The following GOSR2 variants were observed in gnomAD, a reference collection of about 807,000 sequenced individuals.
GOSR2 encodes the protein 27 kDa Golgi SNARE protein.
In GOSR2, 20 loss-of-function variants were observed where a neutral mutation model predicts 27.9. The observed-to-expected ratio is 0.72, with a 90% CI of 0.50 to 1.04. The LOEUF (loss-of-function observed/expected upper bound fraction) is 1.04, where lower values mean the gene tolerates loss of function less well. GOSR2 is among the 50% of genes least tolerant of loss of function. The probability of loss-of-function intolerance (pLI) is 0.00; values close to 1 mark genes in which losing one functional copy is unlikely to be tolerated. For missense variants in GOSR2, 261 were observed against 270.5 expected (o/e 0.97, Z 0.25); for synonymous variants, 91 against 98.8 (o/e 0.92, Z 0.47).
chr17:46,940,037 C>G lies in GOSR2; in HGVS notation c.*1277C>G, dbSNP rs577505377. ...AGTATTAACCCTACCTTTGGTTGTC[C>G]TGCCCTACCTGCTCTGTTAGTTTCT... On this transcript the variant is annotated 3_prime_UTR_variant, in exon 6 of 6. Transcript: ENST00000640051. The G allele has an allele frequency of 6.3e-4, 666 of 1,049,936 alleles. 7 individuals are homozygous for G. The South Asian group carries it at 0.021, about 34-fold the overall frequency. The allele number at this position is 1,049,936 out of a possible 1,614,324, so 65.0% of individuals were successfully genotyped here.
intron 1 of GOSR2, chr17:46,923,503 C>G (rs2086010459): frequency 1.4e-6 from 2 of 1,380,294 alleles, no homozygotes; most frequent in African/African-American, 1.5e-5. Flanking sequence ...AAACTGGCAC[C>G]TGCAGGTTAT....
At chr17:46,925,206 T>A (rs1179886206) in intron 1 of GOSR2, among the ~76,000 whole-genome samples, 1 of 152,238 alleles carries the variant, frequency 6.6e-6, no homozygotes, top group Non-Finnish European at 1.5e-5. Context: ...TCTGCTGTTA[T>A]ATTGGGAAAA....
At chr17:46,928,240 G>A (rs17676673) in intron 1 of GOSR2, among the ~76,000 whole-genome samples, 12,578 of 152,240 alleles carry the variant, frequency 0.083, 703 homozygotes, top group South Asian at 0.21. Context: ...TTTGGTGCCC[G>A]AGGGCATATC....
rs1023245597 is a variant in GOSR2, at chr17:46,939,536, C to G, written c.*776C>G. On this transcript the variant is annotated 3_prime_UTR_variant, in exon 6 of 6. Transcript: ENST00000640051. Reference sequence around the variant, plus strand: ...CTGTGGCTTGGCACCTGCGCCCAGGCTTTGTGGGCCTTTGCCCCTTAGAAA... The same window carrying G: ...CTGTGGCTTGGCACCTGCGCCCAGGGTTTGTGGGCCTTTGCCCCTTAGAAA... The G allele has an allele frequency of 5.1e-6, 5 of 985,460 alleles. No individual in the cohort carries two copies. In the African/African-American group the frequency reaches 8.7e-5, roughly 17 times the overall value. 61.0% of individuals were successfully genotyped at this position (985,460 alleles called of 1,614,324 possible).
chr17:46,941,346 GTTTAT>G lies in GOSR2; in HGVS notation c.*2594_*2598del. On this transcript the variant is annotated 3_prime_UTR_variant, in exon 6 of 6. Coordinates refer to ENST00000640051, the MANE Select transcript of GOSR2 (RefSeq NM_004287.5). ...AGCACATCAGCTGAATAAAGTTGAGGTTTATTTTATTTAGAAAATCACATTTTGTA... is the reference window on the plus strand; with the variant it reads ...AGCACATCAGCTGAATAAAGTTGAGGTTTATTTAGAAAATCACATTTTGTA... 1 of 984,196 alleles carries G rather than the reference GTTTAT, an allele frequency of 1.0e-6. No homozygotes were observed. Among genetic ancestry groups the G allele is most frequent in the Non-Finnish European group, 1.2e-6 (1 of 828,880 alleles). 61.0% of individuals were successfully genotyped at this position (984,196 alleles called of 1,614,324 possible).
At position 46,923,226 on chromosome 17, in the gene GOSR2, G is replaced by T; in HGVS notation, c.29+5G>T. 6.4e-7 allele frequency: 1 copy of T among 1,551,046 alleles called. No homozygotes were observed. The highest frequency in any genetic ancestry group is 8.7e-7 in the Non-Finnish European group (1 of 1,146,518). On this transcript the variant is annotated splice_donor_5th_base_variant and intron_variant, in intron 1 of 5. Coordinates refer to ENST00000640051, the MANE Select transcript of GOSR2 (RefSeq NM_004287.5). The stretch of plus-strand genomic sequence containing the variant: ...CCTGTTCCAGCAAACGCACAAGTGA[G>T]GGCCGGTCGGGGAGCGGGCAGGGGC...
Position 46,940,248 on chromosome 17 carries a change from A to G in GOSR2, c.*1488A>G, listed in dbSNP as rs1470646577. The G allele has an allele frequency of 2.8e-6, 4 of 1,422,798 alleles. No individual in the cohort carries two copies. Among genetic ancestry groups the G allele is most frequent in the Non-Finnish European group, 3.7e-6 (4 of 1,092,914 alleles). The allele number at this position is 1,422,798 out of a possible 1,614,324, so 88.1% of individuals were successfully genotyped here. On this transcript the variant is annotated 3_prime_UTR_variant, in exon 6 of 6. Coordinates refer to ENST00000640051, the MANE Select transcript of GOSR2 (RefSeq NM_004287.5). ...TGAGTTTCCTGGATGCTAATTTCAC[A>G]CTTTCGGTTGGAGGAGATCTCCATT...
chr17:46,935,809 A>G (rs2088225734), intron 5 of GOSR2: 5 of 986,230 alleles, frequency 5.1e-6, no homozygotes, highest in Middle Eastern at 5.2e-4. Flanking sequence ...AACATTACAC[A>G]GACTCTGATG....
chr17:46,973,538 A>C (rs1212669925), intron 6 of GOSR2, among the ~76,000 whole-genome samples: 1 of 152,036 alleles, frequency 6.6e-6, no homozygotes, highest in African/African-American at 2.4e-5. Context: ...CATGGACTGG[A>C]GTGCACTTAT....
rs79673308 is a variant in GOSR2, at chr17:46,941,052, C to T, written c.*2292C>T. 118,411 of 1,081,316 alleles carry T rather than the reference C, an allele frequency of 0.11. 6,918 individuals carry two copies. The highest frequency in any genetic ancestry group is 0.14 in the African/African-American group (8,302 of 61,440). 67.0% of individuals were successfully genotyped at this position (1,081,316 alleles called of 1,614,324 possible). ...TAGGTCGAGCTGATGCAAGAAACTC[C>T]GGTAGCCAGCCTCTGTGACCTTGTA... On this transcript the variant is annotated 3_prime_UTR_variant, in exon 6 of 6. Coordinates refer to ENST00000640051, the MANE Select transcript of GOSR2 (RefSeq NM_004287.5).
At chr17:46,924,589 G>A (rs1175489692) in intron 1 of GOSR2, 4 of 152,174 alleles carry the variant, frequency 2.6e-5, no homozygotes, top group Admixed American at 2.6e-4. Flanking sequence ...GAATAAGAGG[G>A]TGATGATCCT....
chr17:46,927,929 C>T lies in GOSR2; in HGVS notation c.30-1591C>T, dbSNP rs142429255. 1.2e-3 allele frequency among the ~76,000 whole-genome samples: 188 copies of T among 152,168 alleles called. 1 individual carries two copies. Among genetic ancestry groups the T allele is most frequent in the Middle Eastern group, 6.8e-3 (2 of 294 alleles). ...TGTTAAATCAGCATTGAAAATTTAC[C>T]TCACAGCCTGCGTCAGGACTTCCTT... On this transcript the variant is annotated intron_variant, in intron 1 of 5. Transcript: ENST00000640051.
intron 4 of GOSR2, among the ~76,000 whole-genome samples, chr17:46,933,791 T>C (rs7213526): frequency 0.54 from 82,385 of 151,558 alleles, 22,764 homozygotes; most frequent in Non-Finnish European, 0.6. Flanking sequence ...GGTGAGACAT[T>C]GTCTCTACAA....
intron 5 of GOSR2, 33 bp downstream of exon 5, chr17:46,935,202 C>T (rs775661929): frequency 1.2e-6 from 2 of 1,612,734 alleles, no homozygotes; most frequent in African/African-American, 1.3e-5. Flanking sequence ...GAGAGAAGGC[C>T]TCTTGTTTTA....
Position 46,939,536 on chromosome 17 carries a change from C to T in GOSR2, c.*776C>T. The T allele has an allele frequency of 1.0e-6, 1 of 985,578 alleles. No individual in the cohort carries two copies. 61.1% of individuals were successfully genotyped at this position (985,578 alleles called of 1,614,324 possible). A position where few individuals can be genotyped will look rare whatever the true frequency, so the allele number is the denominator to read the frequency against. On this transcript the variant is annotated 3_prime_UTR_variant, in exon 6 of 6. Coordinates refer to ENST00000640051, the MANE Select transcript of GOSR2 (RefSeq NM_004287.5). ...CTGTGGCTTGGCACCTGCGCCCAGG[C>T]TTTGTGGGCCTTTGCCCCTTAGAAA...
At chr17:46,927,656 A>G (rs1380292730) in intron 1 of GOSR2, among the ~76,000 whole-genome samples, 1 of 152,174 alleles carries the variant, frequency 6.6e-6, no homozygotes, top group Non-Finnish European at 1.5e-5. Flanking sequence ...GCTCCCAAAT[A>G]ACGTGGGGCT....
chr17:46,971,263 G>A (rs904377847), downstream of GOSR2, among the ~76,000 whole-genome samples: 1 of 152,062 alleles, frequency 6.6e-6, no homozygotes, highest in African/African-American at 2.4e-5. Context: ...CTTGAACTTG[G>A]GAGGCAGAGG....
downstream of GOSR2, among the ~76,000 whole-genome samples, chr17:46,967,875 C>A (rs1158510586): frequency 6.6e-6 from 1 of 152,072 alleles, no homozygotes; most frequent in Non-Finnish European, 1.5e-5. Flanking sequence ...ACAGCCCAGG[C>A]AAAAATGTCA....
chr17:46,936,162 C>T, intron 5 of GOSR2: 1 of 985,630 alleles, frequency 1.0e-6, no homozygotes, highest in Non-Finnish European at 1.2e-6. Context: ...GCTGGGCGCT[C>T]CCCTTTCATG....
Sources: gnomAD v4.1 joint callset for allele counts (sites outside exome capture counted in the v4.1 genomes callset) on GRCh38, gnomAD v4.1.1 for gene constraint, MANE v1.5 for transcripts, NCBI Gene and HGNC (gene_info 2026-07-23, HGNC 2026-07-21) for gene names.